The following ATXN2 variants were observed in gnomAD, a reference collection of about 807,000 sequenced individuals.
The protein encoded by ATXN2 is ataxin-2.
A neutral mutation model predicts 138.6 loss-of-function variants in ATXN2; 37 were observed. The ratio of observed to expected loss-of-function variants is 0.27; its 90% CI spans 0.21 to 0.35. The LOEUF is 0.35. Ranked by LOEUF, ATXN2 falls within the 10% of genes least tolerant of loss-of-function variation. The pLI is 1.00. For synonymous variants in ATXN2, 549 were observed against 543.7 expected, an observed-to-expected ratio of 1.01 and a Z score of -0.13; for missense variants, 1,216 against 1,480.3, an observed-to-expected ratio of 0.82 and a Z score of 2.93.
At chr12:111,572,011 C>CCAA (rs1883345738) in intron 1 of ATXN2, among the ~76,000 whole-genome samples, 1 of 89,734 alleles carries the variant, frequency 1.1e-5, no homozygotes, top group African/African-American at 4.2e-5. Flanking sequence ...GACTCTGTCT[C>CCAA]AAAAAAAAAA....
intron 18 of ATXN2, among the ~76,000 whole-genome samples, chr12:111,475,644 C>G (rs891169088): frequency 4.6e-5 from 7 of 151,356 alleles, no homozygotes; most frequent in Non-Finnish European, 8.8e-5. Flanking sequence ...GTGCCTGCCA[C>G]CGGGCCCAGC....
At chr12:111,495,500 G>T (rs959108280) in intron 14 of ATXN2, among the ~76,000 whole-genome samples, 3 of 152,094 alleles carry the variant, frequency 2.0e-5, no homozygotes, top group Non-Finnish European at 2.9e-5. Context: ...AGACAAAGAA[G>T]ATTATTGTAT....
chr12:111,490,500 T>C (rs914851981), intron 14 of ATXN2, among the ~76,000 whole-genome samples: 2 of 152,006 alleles, frequency 1.3e-5, no homozygotes, highest in African/African-American at 2.4e-5. Context: ...ATTGGTCAGT[T>C]AGACATTCTA....
At chr12:111,578,249 G>C (rs542081380) in intron 1 of ATXN2, among the ~76,000 whole-genome samples, 1 of 152,110 alleles carries the variant, frequency 6.6e-6, no homozygotes, top group Non-Finnish European at 1.5e-5. Flanking sequence ...TAACTGTTCA[G>C]TGTTTGTCTA....
chr12:111,505,384 C>T (rs977334199), intron 14 of ATXN2, among the ~76,000 whole-genome samples: 3 of 152,076 alleles, frequency 2.0e-5, no homozygotes, highest in African/African-American at 7.2e-5. Context: ...AATTTTTGTG[C>T]TTCAAGGGAT....
intron 14 of ATXN2, among the ~76,000 whole-genome samples, chr12:111,507,952 T>C (rs1161552428): frequency 1.3e-5 from 2 of 152,182 alleles, no homozygotes; most frequent in Admixed American, 6.5e-5. Flanking sequence ...AAACAGATGC[T>C]TGAAGGCAGC....
chr12:111,536,051 A>G (rs960749479), intron 5 of ATXN2, among the ~76,000 whole-genome samples: 2 of 152,074 alleles, frequency 1.3e-5, no homozygotes, highest in South Asian at 2.1e-4. Context: ...GTTGAAAAAG[A>G]GAAGTTCCAC....
chr12:111,553,532 G>C (rs1263671043), intron 3 of ATXN2, among the ~76,000 whole-genome samples: 3 of 110,464 alleles, frequency 2.7e-5, no homozygotes, highest in African/African-American at 1.1e-4. Flanking sequence ...AAAAACGTCC[G>C]TACATCTTTG....
chr12:111,512,105 C>T (rs1303669074), intron 11 of ATXN2: 2 of 151,860 alleles, frequency 1.3e-5, no homozygotes, highest in African/African-American at 4.8e-5. Flanking sequence ...CAAATAGCCA[C>T]CACACTCAGC....
chr12:111,568,358 C>T (rs1056451431), intron 1 of ATXN2, among the ~76,000 whole-genome samples: 3 of 152,080 alleles, frequency 2.0e-5, no homozygotes, highest in African/African-American at 7.2e-5. Context: ...AGCTTCATGT[C>T]TTTTTATTTT....
chr12:111,595,543 G>C (rs1188460658), intron 1 of ATXN2, among the ~76,000 whole-genome samples: 4 of 151,630 alleles, frequency 2.6e-5, no homozygotes, highest in Non-Finnish European at 5.9e-5. Context: ...TCAAGAGGCT[G>C]AGGTGGGAGA....
At chr12:111,485,538 C>T (rs1260794416) in intron 17 of ATXN2, among the ~76,000 whole-genome samples, 175 bp downstream of exon 17, 1 of 152,158 alleles carries the variant, frequency 6.6e-6, no homozygotes, top group East Asian at 1.9e-4. Flanking sequence ...TCACAGAAAA[C>T]ATTCTCAGAT....
Position 111,485,594 on chromosome 12 carries a change from C to T in ATXN2, c.2457+119G>A, listed in dbSNP as rs908290217. On this transcript the variant is annotated intron_variant, in intron 17 of 24. Coordinates refer to ENST00000673436, the MANE Select transcript of ATXN2 (RefSeq NM_001372574.1). The stretch of plus-strand genomic sequence containing the variant: ...ACACACTGAATCTCTGCATGCCTGT[C>T]TGTTTCAAATGCATATGCATAACCA... 9.7e-6 allele frequency: 12 copies of T among 1,240,050 alleles called. No individual in the cohort carries two copies. The Admixed American group carries it at 1.0e-4, about 11-fold the overall frequency. 76.8% of individuals were successfully genotyped at this position (1,240,050 alleles called of 1,614,324 possible).
intron 11 of ATXN2, 86 bp from the exon 12 acceptor site, chr12:111,510,668 G>A: frequency 6.2e-6 from 8 of 1,284,274 alleles, no homozygotes; most frequent in African/African-American, 1.5e-5. Flanking sequence ...TGAAGATCTA[G>A]GTAAATAAAA....
intron 5 of ATXN2, among the ~76,000 whole-genome samples, chr12:111,549,710 T>G (rs1406081114): frequency 2.0e-5 from 3 of 152,114 alleles, no homozygotes; most frequent in Non-Finnish European, 4.4e-5. Context: ...TTAATACTAT[T>G]TTCAGGATAC....
intron 23 of ATXN2, chr12:111,455,226 T>C: frequency 1.5e-6 from 1 of 676,112 alleles, no homozygotes; most frequent in South Asian, 1.5e-5. Flanking sequence ...AATTCACCCG[T>C]AACAGCCCCA....
intron 1 of ATXN2, among the ~76,000 whole-genome samples, chr12:111,577,420 C>A (rs964178726): frequency 6.6e-6 from 1 of 151,978 alleles, no homozygotes; most frequent in African/African-American, 2.4e-5. Context: ...CGCCCGCCAC[C>A]ACACCCGGTT....
At chr12:111,566,932 C>T (rs1339644386) in intron 1 of ATXN2, among the ~76,000 whole-genome samples, 1 of 152,142 alleles carries the variant, frequency 6.6e-6, no homozygotes, top group African/African-American at 2.4e-5. Flanking sequence ...GCCACCGTGC[C>T]CAACCAGGAA....
At chr12:111,496,723 T>C (rs1484206035) in intron 14 of ATXN2, among the ~76,000 whole-genome samples, 1 of 151,896 alleles carries the variant, frequency 6.6e-6, no homozygotes, top group Non-Finnish European at 1.5e-5. Context: ...TCAAAACCTA[T>C]AGGATACAGT....
Sources: allele counts gnomAD v4.1 joint callset (sites outside exome capture counted in the v4.1 genomes callset), GRCh38; gene constraint gnomAD v4.1.1; transcripts MANE v1.5; gene names NCBI Gene and HGNC (gene_info 2026-07-23, HGNC 2026-07-21).